The following HS6ST1 variants were observed in gnomAD, a reference collection of about 807,000 sequenced individuals.
HS6ST1 encodes the protein heparan sulfate 6-O-sulfotransferase 1, also known as heparan-sulfate 6-O-sulfotransferase 1.
Under a neutral mutation model 25.2 loss-of-function variants are expected in HS6ST1, and 3 were observed. The observed-to-expected ratio is 0.12, with a 90% confidence interval of 0.05 to 0.31. The LOEUF is 0.31. Among genes scored for constraint, HS6ST1 ranks in the 10% least tolerant of loss-of-function variants. HS6ST1 has a pLI of 1.00. For synonymous variants in HS6ST1, 204 were observed against 275.1 expected (o/e 0.74, Z 2.56); for missense variants, 310 against 609.6 (o/e 0.51, Z 5.18).
intron 1 of HS6ST1, among the ~76,000 whole-genome samples, chr2:128,289,453 A>G (rs1287508684): frequency 2.0e-5 from 3 of 152,200 alleles, no homozygotes; most frequent in African/African-American, 7.2e-5. Context: ...TTCTGCAGCC[A>G]AAGTCTCCCA....
chr2:128,281,539 A>G (rs1374405128), intron 1 of HS6ST1, among the ~76,000 whole-genome samples: 1 of 152,216 alleles, frequency 6.6e-6, no homozygotes, highest in Non-Finnish European at 1.5e-5. Flanking sequence ...GCGGAGCACC[A>G]GCAGTCACCT....
rs1006659913 is a variant in HS6ST1, at chr2:128,268,975, C to T, written c.528-105G>A. On this transcript the variant is annotated intron_variant, in intron 1 of 1. Coordinates refer to ENST00000259241, the MANE Select transcript of HS6ST1 (RefSeq NM_004807.3). ...CCCACTACAGGAGTTTGGGCTTCGC[C>T]TCTAATGCCAACCAACTCCTGCACT... The T allele has an allele frequency of 1.5e-5, 14 of 907,282 alleles. No individual in the cohort carries two copies. The African/African-American group carries it at 2.3e-4, about 15-fold the overall frequency. 56.2% of individuals were successfully genotyped at this position (907,282 alleles called of 1,614,324 possible).
At chr2:128,315,379 C>T (rs1044919709) in intron 1 of HS6ST1, among the ~76,000 whole-genome samples, 3 of 152,170 alleles carry the variant, frequency 2.0e-5, no homozygotes, top group Non-Finnish European at 2.9e-5. Context: ...CTCTTACGCG[C>T]ACCACAGGCC....
At chr2:128,316,304 G>A (rs532899159) in intron 1 of HS6ST1, among the ~76,000 whole-genome samples, 2 of 152,370 alleles carry the variant, frequency 1.3e-5, no homozygotes, top group South Asian at 2.1e-4. Context: ...CCGGCTTCTT[G>A]GCGGCCCGAA....
intron 1 of HS6ST1, among the ~76,000 whole-genome samples, chr2:128,305,972 T>C (rs1004561384): frequency 6.6e-6 from 1 of 152,170 alleles, no homozygotes; most frequent in African/African-American, 2.4e-5. Context: ...GTGACCTGCC[T>C]GCGACTTGTC....
rs577119989 is a variant in HS6ST1, at chr2:128,300,140, C to T, written c.527+17897G>A. On this transcript the variant is annotated intron_variant, in intron 1 of 1. Coordinates refer to ENST00000259241, the MANE Select transcript of HS6ST1 (RefSeq NM_004807.3). The stretch of plus-strand genomic sequence containing the variant: ...TAAAATGGGGGGCTTCTCCAAAGTT[C>T]CAAGCACACTCCAAGCTCCTGCAAC... 1.5e-3 allele frequency among the ~76,000 whole-genome samples: 227 copies of T among 152,294 alleles called. 2 individuals carry two copies. The highest frequency in any genetic ancestry group is 5.2e-3 in the African/African-American group (218 of 41,550).
At chr2:128,303,926 C>T (rs1694169747) in intron 1 of HS6ST1, among the ~76,000 whole-genome samples, 1 of 152,240 alleles carries the variant, frequency 6.6e-6, no homozygotes, top group African/African-American at 2.4e-5. Flanking sequence ...ATCTTCCAAT[C>T]TACCGCACGC....
At chr2:128,272,905 C>G (rs1003640833) in intron 1 of HS6ST1, among the ~76,000 whole-genome samples, 1 of 152,264 alleles carries the variant, frequency 6.6e-6, no homozygotes, top group Non-Finnish European at 1.5e-5. Context: ...TCTGCCAAGG[C>G]CTTCTGTGCA....
intron 1 of HS6ST1, among the ~76,000 whole-genome samples, chr2:128,292,555 G>T (rs572675232): frequency 4.6e-5 from 7 of 152,088 alleles, no homozygotes; most frequent in Non-Finnish European, 1.0e-4. Context: ...GGTGGTGGTG[G>T]GCCCACCCCT....
At position 128,268,557 on chromosome 2, in the gene HS6ST1, C is replaced by T. The variant is rs1309764628; in HGVS notation, c.841G>A (p.Ala281Thr). The T allele has an allele frequency of 6.9e-6, 11 of 1,600,026 alleles. No individual in the cohort carries two copies. Among genetic ancestry groups the T allele is most frequent in the East Asian group, 2.3e-5 (1 of 44,298 alleles). ...GKRAQLLLESAKKNLRGMAFF... is the reference protein window; with the variant it reads ...GKRAQLLLESTKKNLRGMAFF... ...GCCATGCCCCGCAGGTTCTTCTTGGCGCTCTCGAGCAGCAGCTGGGCCCGC... is the reference window on the plus strand; with the variant it reads ...GCCATGCCCCGCAGGTTCTTCTTGGTGCTCTCGAGCAGCAGCTGGGCCCGC... Residue 281 changes from alanine to threonine, a missense_variant, in exon 2 of 2, where the codon GCC (alanine) becomes ACC (threonine). By Grantham distance (58) the Ala-to-Thr change is moderately conservative. Coordinates refer to ENST00000259241, the MANE Select transcript of HS6ST1 (RefSeq NM_004807.3).
At chr2:128,275,515 C>T (rs59160248) in intron 1 of HS6ST1, among the ~76,000 whole-genome samples, 16,992 of 152,126 alleles carry the variant, frequency 0.11, 1,277 homozygotes, top group African/African-American at 0.21. Context: ...TCATCATAAG[C>T]CAACTGGAAC....
At chr2:128,287,380 G>A (rs1425304691) in intron 1 of HS6ST1, among the ~76,000 whole-genome samples, 1 of 152,176 alleles carries the variant, frequency 6.6e-6, no homozygotes. Flanking sequence ...ACTCAGTGAG[G>A]GTGAACGAGA....
At chr2:128,298,500 C>A (rs567729521) in intron 1 of HS6ST1, among the ~76,000 whole-genome samples, 1 of 152,206 alleles carries the variant, frequency 6.6e-6, no homozygotes, top group Non-Finnish European at 1.5e-5. Flanking sequence ...AAAAGGAAGG[C>A]GATTCTGACA....
At chr2:128,282,467 A>T (rs1377325537) in intron 1 of HS6ST1, among the ~76,000 whole-genome samples, 1 of 152,134 alleles carries the variant, frequency 6.6e-6, no homozygotes, top group Non-Finnish European at 1.5e-5. Context: ...CCCGCGGCAG[A>T]TGGTTGAAAA....
intron 1 of HS6ST1, among the ~76,000 whole-genome samples, chr2:128,300,225 C>T (rs771023148): frequency 6.6e-6 from 1 of 152,176 alleles, no homozygotes; most frequent in Non-Finnish European, 1.5e-5. Context: ...CTGGCATGGA[C>T]GAGGCTGTGC....
chr2:128,317,988 C>T (rs1694399623), intron 1 of HS6ST1, 49 bp downstream of exon 1: 1 of 1,398,290 alleles, frequency 7.2e-7, no homozygotes, highest in Non-Finnish European at 9.2e-7. Flanking sequence ...GCATACGGCC[C>T]GGCCTCGGGG....
At chr2:128,282,600 T>C (rs1423159020) in intron 1 of HS6ST1, among the ~76,000 whole-genome samples, 8 of 152,180 alleles carry the variant, frequency 5.3e-5, no homozygotes, top group Admixed American at 5.2e-4. Flanking sequence ...CAGGAGGGCA[T>C]GTCGGGGGCA....
At chr2:128,273,911 G>C (rs574265771) in intron 1 of HS6ST1, among the ~76,000 whole-genome samples, 1 of 152,270 alleles carries the variant, frequency 6.6e-6, no homozygotes, top group East Asian at 1.9e-4. Context: ...AGGTGCCAAG[G>C]GGGCGGCTCA....
intron 1 of HS6ST1, among the ~76,000 whole-genome samples, chr2:128,272,342 C>T (rs906770387): frequency 1.3e-5 from 2 of 152,242 alleles, no homozygotes; most frequent in African/African-American, 4.8e-5. Flanking sequence ...TCAGACCTCT[C>T]CACCTTTAAG....
Sources: gnomAD v4.1 joint callset for allele counts (sites outside exome capture counted in the v4.1 genomes callset) on GRCh38, gnomAD v4.1.1 for gene constraint, MANE v1.5 for transcripts, NCBI Gene and HGNC (gene_info 2026-07-23, HGNC 2026-07-21) for gene names.